The following PTPRN2 variants were observed in gnomAD, a reference collection of about 807,000 sequenced individuals.
PTPRN2 encodes receptor-type tyrosine-protein phosphatase N2.
In PTPRN2, 74 loss-of-function variants were observed where a neutral mutation model predicts 118.8. That is an observed-to-expected ratio of 0.62 (90% CI 0.52 to 0.76). The LOEUF is 0.76. Ranked by LOEUF, PTPRN2 falls within the 30% of genes least tolerant of loss-of-function variation. PTPRN2 has a pLI of 0.00. For missense variants in PTPRN2, 1,481 were observed against 1,394.4 expected (o/e 1.06, Z -0.99); for synonymous variants, 641 against 608.0 (o/e 1.05, Z -0.80).
intron 11 of PTPRN2, among the ~76,000 whole-genome samples, chr7:157,945,698 G>A (rs555328382): frequency 1.3e-5 from 2 of 151,626 alleles, no homozygotes; most frequent in African/African-American, 4.8e-5. Context: ...CTTGGACGAT[G>A]TCACCTCCAA....
intron 11 of PTPRN2, among the ~76,000 whole-genome samples, chr7:158,055,857 G>T (rs1156263402): frequency 7.9e-6 from 1 of 127,034 alleles, no homozygotes; most frequent in Non-Finnish European, 1.7e-5. Context: ...GTTGTCCCCA[G>T]GGCCCAGCTC....
At chr7:157,988,203 C>T (rs533081349) in intron 11 of PTPRN2, among the ~76,000 whole-genome samples, 61 of 152,328 alleles carry the variant, frequency 4.0e-4, no homozygotes, top group Middle Eastern at 3.4e-3. Context: ...TGTCTCTCCC[C>T]GGAGCCCCCA....
At chr7:158,108,604 T>G (rs1815892480) in intron 10 of PTPRN2, among the ~76,000 whole-genome samples, 1 of 152,200 alleles carries the variant, frequency 6.6e-6, no homozygotes, top group Non-Finnish European at 1.5e-5. Context: ...AGGAACGGTG[T>G]GGGCCACAGT....
intron 11 of PTPRN2, among the ~76,000 whole-genome samples, chr7:157,984,206 G>C (rs2128834496): frequency 6.6e-6 from 1 of 151,332 alleles, no homozygotes; most frequent in Non-Finnish European, 1.5e-5. Flanking sequence ...GTCCCTGCCT[G>C]AGTCCTCTTC....
intron 6 of PTPRN2, among the ~76,000 whole-genome samples, 163 bp from the exon 7 acceptor site, chr7:158,138,678 T>A (rs1422574414): frequency 6.6e-6 from 1 of 152,200 alleles, no homozygotes; most frequent in Non-Finnish European, 1.5e-5. Context: ...ATATTGGACT[T>A]GAATCTCAAA....
chr7:158,091,407 G>A (rs769504462), intron 10 of PTPRN2, among the ~76,000 whole-genome samples: 43 of 152,184 alleles, frequency 2.8e-4, no homozygotes, highest in Non-Finnish European at 5.9e-4. Context: ...TTTTCAACTG[G>A]TGAATTTTCT....
At chr7:157,703,532 C>A (rs562505714) in intron 12 of PTPRN2, among the ~76,000 whole-genome samples, 1 of 152,192 alleles carries the variant, frequency 6.6e-6, no homozygotes, top group Non-Finnish European at 1.5e-5. Flanking sequence ...CGGGATAACT[C>A]GCTGTGCAGT....
At chr7:158,025,552 G>A (rs1807201555) in intron 11 of PTPRN2, among the ~76,000 whole-genome samples, 1 of 152,194 alleles carries the variant, frequency 6.6e-6, no homozygotes, top group Non-Finnish European at 1.5e-5. Flanking sequence ...ACTCCACACA[G>A]AACAAACACG....
At chr7:157,685,949 C>G (rs1300081362) in intron 12 of PTPRN2, among the ~76,000 whole-genome samples, 1 of 152,150 alleles carries the variant, frequency 6.6e-6, no homozygotes, top group Non-Finnish European at 1.5e-5. Context: ...CCTCCCCGCG[C>G]CGGTCCACAA....
Position 158,071,016 on chromosome 7 carries a change from C to CCCG in PTPRN2, c.1723+10281_1723+10282insCGG, listed in dbSNP as rs1258703668. Reference sequence around the variant, plus strand: ...GGAGGTGCTCATGGTGGTGGAGGTGCTCGTGGTGGAGGTGCTCTTAGTATG... The same window carrying CCCG: ...GGAGGTGCTCATGGTGGTGGAGGTGCCCGTCGTGGTGGAGGTGCTCTTAGTATG... On this transcript the variant is annotated intron_variant, in intron 11 of 22. Coordinates refer to ENST00000389418, the MANE Select transcript of PTPRN2 (RefSeq NM_002847.5). 5.1e-4 allele frequency among the ~76,000 whole-genome samples: 41 copies of CCCG among 80,020 alleles called. 6 individuals are homozygous for CCCG. Among genetic ancestry groups the CCCG allele is most frequent in the Admixed American group, 3.7e-3 (26 of 7,070 alleles). The allele number at this position is 80,020 out of a possible 152,430, so 52.5% of individuals were successfully genotyped here. A position where few individuals can be genotyped will look rare whatever the true frequency, so the allele number is the denominator to read the frequency against.
rs568064772 is a variant in PTPRN2 at position 157,822,560 on chromosome 7, A to G, written c.1788+76113T>C. ...TTATCCATCCATCCAATCATCCGCT[A>G]TCCATTATCTTTCCATAATACACTT... On this transcript the variant is annotated intron_variant, in intron 12 of 22. Coordinates refer to ENST00000389418, the MANE Select transcript of PTPRN2 (RefSeq NM_002847.5). 9.7e-4 allele frequency among the ~76,000 whole-genome samples: 147 copies of G among 151,890 alleles called. 1 individual carries two copies. The highest frequency in any genetic ancestry group is 3.4e-3 in the African/African-American group (142 of 41,394).
At position 157,812,878 on chromosome 7, in the gene PTPRN2, G is replaced by A. The variant is rs1442976173; in HGVS notation, c.1788+85795C>T. On this transcript the variant is annotated intron_variant, in intron 12 of 22. Transcript: ENST00000389418. Reference sequence around the variant, plus strand: ...TTTGGAAACCAGCGTTGTGCAAACCGGGGTTAGGATGTGGAAAACTCGCCC... The same window carrying A: ...TTTGGAAACCAGCGTTGTGCAAACCAGGGTTAGGATGTGGAAAACTCGCCC... Among the ~76,000 whole-genome samples the A allele has an allele frequency of 3.3e-5, 5 of 152,102 alleles. No individual in the cohort carries two copies. The South Asian group carries it at 6.2e-4, about 19-fold the overall frequency.
intron 2 of PTPRN2, among the ~76,000 whole-genome samples, chr7:158,412,991 C>T (rs1367171613): frequency 6.7e-6 from 1 of 149,272 alleles, no homozygotes; most frequent in Non-Finnish European, 1.5e-5. Context: ...GCCCATCCAG[C>T]ACCCTCCTCA....
intron 12 of PTPRN2, among the ~76,000 whole-genome samples, chr7:157,851,992 C>A (rs1388356206): frequency 6.6e-6 from 1 of 152,234 alleles, no homozygotes; most frequent in Admixed American, 6.5e-5. Flanking sequence ...CAAATAACCA[C>A]CCGCTCAGAA....
In PTPRN2 at chr7:158,544,166, A is replaced by G. The variant is rs1245834265; in HGVS notation, c.112+43392T>C. Among the ~76,000 whole-genome samples, 1 of 152,162 alleles carries G rather than the reference A, an allele frequency of 6.6e-6. No homozygotes were observed. The highest frequency in any genetic ancestry group is 2.4e-5 in the African/African-American group (1 of 41,424). On this transcript the variant is annotated intron_variant, in intron 1 of 22. Transcript: ENST00000389418. This position sits in a 1 kb window ranked among gnomAD's most constrained non-coding sequence, Gnocchi z 4.2. The stretch of plus-strand genomic sequence containing the variant: ...AGAACCCAGTCCACACTCTGCCCGC[A>G]TGATCTGCCTCTCCCCAAAACAGAC...
chr7:157,776,558 CTCCTT>C, intron 12 of PTPRN2, among the ~76,000 whole-genome samples: 1 of 107,352 alleles, frequency 9.3e-6, no homozygotes, highest in African/African-American at 4.2e-5. Context: ...CCTCCTCTCT[CTCCTT>C]CTCCCTCTCC....
chr7:158,085,305 A>T (rs1813239015), intron 10 of PTPRN2, among the ~76,000 whole-genome samples: 1 of 127,554 alleles, frequency 7.8e-6, no homozygotes, highest in African/African-American at 3.3e-5. Flanking sequence ...ACGCCCATCC[A>T]CACCCACGAC....
chr7:158,167,418 G>A (rs554594999), intron 5 of PTPRN2, 127 bp from the exon 6 acceptor site: 2 of 1,268,624 alleles, frequency 1.6e-6, no homozygotes, highest in Admixed American at 2.6e-5. Context: ...ATGCCCTTCG[G>A]TCTCAGGTTC....
Position 157,898,023 on chromosome 7 carries a change from G to A in PTPRN2, c.1788+650C>T, listed in dbSNP as rs140160838. Among the ~76,000 whole-genome samples the A allele has an allele frequency of 5.4e-3, 822 of 152,392 alleles. 10 individuals are homozygous for A. Among genetic ancestry groups the A allele is most frequent in the African/African-American group, 0.019 (783 of 41,604 alleles). On this transcript the variant is annotated intron_variant, in intron 12 of 22. Transcript: ENST00000389418. Reference sequence around the variant, plus strand: ...GTCATGTCAGGGGACAGCGGCCATCGGCGCGGTGCGGGGAGGCGCCTGCGG... The same window carrying A: ...GTCATGTCAGGGGACAGCGGCCATCAGCGCGGTGCGGGGAGGCGCCTGCGG...
Sources: gnomAD v4.1 joint callset for allele counts (sites outside exome capture counted in the v4.1 genomes callset) on GRCh38, gnomAD v4.1.1 for gene constraint, Gnocchi (gnomAD v3.1) non-coding constraint, MANE v1.5 for transcripts, NCBI Gene and HGNC (gene_info 2026-07-23, HGNC 2026-07-21) for gene names.